The following NEMP2 variants were observed in gnomAD, a reference collection of about 807,000 sequenced individuals.
The protein encoded by NEMP2 is UPF0571 transmembrane protein.
In NEMP2, 53 loss-of-function variants were observed where a neutral mutation model predicts 54.2. That is an observed-to-expected ratio of 0.98 (90% CI 0.78 to 1.23). The LOEUF (loss-of-function observed/expected upper bound fraction) is 1.23. NEMP2 is among the 50% of genes most tolerant of loss of function. The probability of loss-of-function intolerance (pLI) is 0.00; values close to 1 mark genes in which losing one functional copy is unlikely to be tolerated. For missense variants in NEMP2, 455 were observed against 511.3 expected, an observed-to-expected ratio of 0.89 and a Z score of 1.06; for synonymous variants, 197 against 190.3, an observed-to-expected ratio of 1.04 and a Z score of -0.29.
At chr2:190,605,198 T>G in the NEMP2 span, among the ~76,000 whole-genome samples, 1 of 152,208 alleles carries the variant, frequency 6.6e-6, no homozygotes, top group Non-Finnish European at 1.5e-5. Context: ...ATTCTCTTTC[T>G]TATAAATTCA....
At chr2:190,539,359 A>G (rs1691475005), upstream of NEMP2, among the ~76,000 whole-genome samples, 1 of 152,056 alleles carries the variant, frequency 6.6e-6, no homozygotes, top group African/African-American at 2.4e-5. The surrounding 1 kb of genome is among the most constrained non-coding windows in gnomAD (Gnocchi z 4.1). Context: ...TAGCTTTGTA[A>G]TATATTTTGA....
rs767116499 is a variant in NEMP2 at position 190,522,692 on chromosome 2, T to G, written c.213+2571A>C. Among the ~76,000 whole-genome samples the G allele has an allele frequency of 1.3e-5, 2 of 152,222 alleles. No individual in the cohort carries two copies. The highest frequency in any genetic ancestry group is 2.9e-5 in the Non-Finnish European group (2 of 68,030). On this transcript the variant is annotated intron_variant, in intron 2 of 8. Coordinates refer to ENST00000409150, the MANE Select transcript of NEMP2 (RefSeq NM_001142645.2). This position sits in a 1 kb window ranked among gnomAD's most constrained non-coding sequence, Gnocchi z 5.0. ...CCTTAAGTCTGATAAGAAGCATTTA[T>G]AATCTATTCTCTCTAAAGCCTGCTA...
chr2:190,541,195 T>TA, the NEMP2 span, among the ~76,000 whole-genome samples: 2 of 151,564 alleles, frequency 1.3e-5, no homozygotes, highest in Admixed American at 6.6e-5. The surrounding 1 kb of genome is among the most constrained non-coding windows in gnomAD (Gnocchi z 5.2). Context: ...TATATATATA[T>TA]TTGGTCTCCA....
chr2:190,566,734 GAA>G, the NEMP2 span, among the ~76,000 whole-genome samples: 8 of 135,956 alleles, frequency 5.9e-5, no homozygotes, highest in Admixed American at 2.1e-4. Context: ...AAGAAGGAAA[GAA>G]AGAAAAGAAA....
the NEMP2 span, among the ~76,000 whole-genome samples, chr2:190,431,142 C>A: frequency 1.2e-4 from 17 of 141,522 alleles, no homozygotes; most frequent in African/African-American, 4.3e-4. This position sits in a 1 kb window ranked among gnomAD's most constrained non-coding sequence, Gnocchi z 4.4. Flanking sequence ...ACATCTCAGA[C>A]GATGGGCAGC....
At chr2:190,563,911 G>A in the NEMP2 span, among the ~76,000 whole-genome samples, 4 of 152,218 alleles carry the variant, frequency 2.6e-5, no homozygotes, top group East Asian at 3.9e-4. This position sits in a 1 kb window ranked among gnomAD's most constrained non-coding sequence, Gnocchi z 4.3. Context: ...CAGGGGAGGC[G>A]GGGAGGCCAA....
At chr2:190,563,443 A>T in the NEMP2 span, among the ~76,000 whole-genome samples, 1 of 152,106 alleles carries the variant, frequency 6.6e-6, no homozygotes, top group Non-Finnish European at 1.5e-5. This position sits in a 1 kb window ranked among gnomAD's most constrained non-coding sequence, Gnocchi z 4.3. Flanking sequence ...AGGGAGAATA[A>T]TTTTTTTCTA....
the NEMP2 span, among the ~76,000 whole-genome samples, chr2:190,558,985 A>T: frequency 6.6e-6 from 1 of 152,210 alleles, no homozygotes; most frequent in Non-Finnish European, 1.5e-5. The surrounding 1 kb of genome is among the most constrained non-coding windows in gnomAD (Gnocchi z 4.4). Context: ...TCATCTAGAA[A>T]AGCTAATGTG....
the NEMP2 span, chr2:190,489,728 T>C: frequency 6.4e-7 from 1 of 1,567,106 alleles, no homozygotes. The surrounding 1 kb of genome is among the most constrained non-coding windows in gnomAD (Gnocchi z 6.6). Context: ...CTATCTGCAT[T>C]TCTTGGAATT....
chr2:190,534,714 A>C lies in NEMP2; in HGVS notation c.-59T>G. On this transcript the variant is annotated 5_prime_UTR_variant, in exon 1 of 9. Transcript: ENST00000409150. ...CTAGGGGACCGGCTCCGCTGCGAGG[A>C]GCGGAAGTGGCGCGGGGGCTCAGAG... 1.7e-6 allele frequency: 2 copies of C among 1,186,870 alleles called. No homozygotes were observed. The highest frequency in any genetic ancestry group is 2.1e-6 in the Non-Finnish European group (2 of 943,494). 73.5% of individuals were successfully genotyped at this position (1,186,870 alleles called of 1,614,324 possible).
At chr2:190,541,241 GTTC>G in the NEMP2 span, among the ~76,000 whole-genome samples, 2 of 151,614 alleles carry the variant, frequency 1.3e-5, no homozygotes, top group Non-Finnish European at 2.9e-5. The surrounding 1 kb of genome is among the most constrained non-coding windows in gnomAD (Gnocchi z 5.2). Context: ...TACTACTTCT[GTTC>G]TTCTACTAAT....
chr2:190,593,797 A>T, the NEMP2 span, among the ~76,000 whole-genome samples: 2 of 152,142 alleles, frequency 1.3e-5, no homozygotes, highest in African/African-American at 4.8e-5. This position sits in a 1 kb window ranked among gnomAD's most constrained non-coding sequence, Gnocchi z 4.5. Context: ...TATTTTTCCA[A>T]TTTTAAAGTT....
the NEMP2 span, among the ~76,000 whole-genome samples, chr2:190,497,003 C>A: frequency 9.0e-4 from 137 of 152,226 alleles, no homozygotes; most frequent in African/African-American, 3.1e-3. The surrounding 1 kb of genome is among the most constrained non-coding windows in gnomAD (Gnocchi z 5.2). Flanking sequence ...TCACAAATCA[C>A]CATTAGAGAA....
chr2:190,634,448 G>GA, the NEMP2 span, among the ~76,000 whole-genome samples: 1 of 152,008 alleles, frequency 6.6e-6, no homozygotes, highest in African/African-American at 2.4e-5. This position sits in a 1 kb window ranked among gnomAD's most constrained non-coding sequence, Gnocchi z 6.8. Context: ...CACATAGGGA[G>GA]AAAAAAATGA....
Position 190,523,934 on chromosome 2 carries a change from G to A in NEMP2, c.213+1329C>T, listed in dbSNP as rs1340459193. Reference sequence around the variant, plus strand: ...ATGGAATAATGGTGCCAGGCGCAGTGGCTTGCGCCTGTAATCCCAGCATTC... The same window carrying A: ...ATGGAATAATGGTGCCAGGCGCAGTAGCTTGCGCCTGTAATCCCAGCATTC... On this transcript the variant is annotated intron_variant, in intron 2 of 8. Transcript: ENST00000409150. This position sits in a 1 kb window ranked among gnomAD's most constrained non-coding sequence, Gnocchi z 5.3. 6.6e-6 allele frequency among the ~76,000 whole-genome samples: 1 copy of A among 152,092 alleles called. No homozygotes were observed. The highest frequency in any genetic ancestry group is 1.5e-5 in the Non-Finnish European group (1 of 68,018).
chr2:190,645,637 T>C, the NEMP2 span, among the ~76,000 whole-genome samples: 1 of 152,260 alleles, frequency 6.6e-6, no homozygotes, highest in African/African-American at 2.4e-5. Context: ...CAGCCAATGT[T>C]CTAGCCACTG....
the NEMP2 span, among the ~76,000 whole-genome samples, chr2:190,594,824 T>C: frequency 1.3e-5 from 2 of 152,218 alleles, no homozygotes; most frequent in East Asian, 3.8e-4. This position sits in a 1 kb window ranked among gnomAD's most constrained non-coding sequence, Gnocchi z 5.6. Context: ...TACATAAACA[T>C]TTTGTGCTTA....
Position 190,515,572 on chromosome 2 carries a change from C to T in NEMP2, c.727+698G>A, listed in dbSNP as rs181201553. Among the ~76,000 whole-genome samples the T allele has an allele frequency of 6.6e-5, 10 of 152,148 alleles. No individual in the cohort carries two copies. In the East Asian group the frequency reaches 1.7e-3, roughly 27 times the overall value. ...TCTTGTTTTTCAGAGAGGAATAGTG[C>T]AGTATTCAGGGGAGCATACCATGGT... is the stretch of plus-strand genomic sequence containing the variant. On this transcript the variant is annotated intron_variant, in intron 6 of 8. Coordinates refer to ENST00000409150, the MANE Select transcript of NEMP2 (RefSeq NM_001142645.2).
At chr2:190,455,438 G>C in the NEMP2 span, among the ~76,000 whole-genome samples, 1 of 152,078 alleles carries the variant, frequency 6.6e-6, no homozygotes, top group Admixed American at 6.5e-5. Context: ...GATCCAGCTG[G>C]GGGAGGCTCT....
Sources: allele counts gnomAD v4.1 joint callset (sites outside exome capture counted in the v4.1 genomes callset), GRCh38; gene constraint gnomAD v4.1.1; non-coding constraint Gnocchi (gnomAD v3.1); transcripts MANE v1.5; gene names NCBI Gene and HGNC (gene_info 2026-07-23, HGNC 2026-07-21).